PANK3: variants seen among roughly 807,000 people sequenced by gnomAD.
The protein encoded by PANK3 is hPanK3.
A neutral mutation model predicts 39.4 loss-of-function variants in PANK3; 20 were observed. The ratio of observed to expected loss-of-function variants is 0.51; its 90% CI spans 0.36 to 0.74. The LOEUF (loss-of-function observed/expected upper bound fraction) is 0.74. Among genes scored for constraint, PANK3 ranks in the 30% least tolerant of loss-of-function variants. PANK3 has a pLI of 0.00. For synonymous variants in PANK3, 140 were observed against 157.3 expected (o/e 0.89, Z 0.82); for missense variants, 265 against 437.0 (o/e 0.61, Z 3.51).
intron 3 of PANK3, 124 bp from the exon 4 acceptor site, chr5:168,564,189 G>A: frequency 1.2e-6 from 1 of 807,870 alleles, no homozygotes; most frequent in Non-Finnish European, 1.8e-6. Flanking sequence ...CTAATGCTGA[G>A]TGCTGAAATA....
In PANK3 at chr5:168,569,014, AAAAAAAAAAAAAAAAAAT is replaced by A. The variant is rs767690199; in HGVS notation, c.29-34_29-17del. 60 of 328,264 alleles carry A rather than the reference AAAAAAAAAAAAAAAAAAT, an allele frequency of 1.8e-4. 2 individuals are homozygous for A. The East Asian group carries it at 7.9e-3, about 43-fold the overall frequency. The allele number at this position is 328,264 out of a possible 1,614,324, so 20.3% of individuals were successfully genotyped here. On this transcript the variant is annotated splice_polypyrimidine_tract_variant and intron_variant, in intron 1 of 6. Coordinates refer to ENST00000239231, the MANE Select transcript of PANK3 (RefSeq NM_024594.4). ...CATGGGAAAGCTATGGGAGGAAAAAAAAAAAAAAAAAAAAAAATATATATATATATATATATCCATTTT... is the reference window on the plus strand; with the variant it reads ...CATGGGAAAGCTATGGGAGGAAAAAAATATATATATATATATATCCATTTT...
intron 2 of PANK3, among the ~76,000 whole-genome samples, chr5:168,567,776 T>C (rs1396934720): frequency 1.3e-5 from 2 of 152,256 alleles, no homozygotes; most frequent in East Asian, 3.9e-4. Context: ...CAGGCCACTA[T>C]GCTGAGCTAA....
chr5:168,571,433 G>A (rs1402918314), intron 1 of PANK3, among the ~76,000 whole-genome samples: 2 of 152,146 alleles, frequency 1.3e-5, no homozygotes, highest in Non-Finnish European at 2.9e-5. Context: ...AGGAGGCAAA[G>A]CAATTACAAA....
At chr5:168,573,594 A>G (rs1299811387) in intron 1 of PANK3, among the ~76,000 whole-genome samples, 1 of 151,806 alleles carries the variant, frequency 6.6e-6, no homozygotes, top group Non-Finnish European at 1.5e-5. Context: ...ATATGTATAC[A>G]TGTGCCATCC....
intron 1 of PANK3, among the ~76,000 whole-genome samples, chr5:168,576,769 C>G (rs1304110164): frequency 7.8e-6 from 1 of 128,026 alleles, no homozygotes; most frequent in African/African-American, 3.2e-5. Flanking sequence ...ACTATGTGAT[C>G]AATAAATGTT....
rs542943076 is a variant in PANK3 at position 168,561,166 on chromosome 5, T to A, written c.936+227A>T. Among the ~76,000 whole-genome samples the A allele has an allele frequency of 1.7e-4, 26 of 152,266 alleles. No homozygotes were observed. In the South Asian group the frequency reaches 5.4e-3, roughly 32 times the overall value. ...TAGGTTGTGTTTTTCTGAAAAAAAA[T>A]TCTGAATAAATTTCTCCTATTTCAA... On this transcript the variant is annotated intron_variant, in intron 5 of 6. Transcript: ENST00000239231.
rs145162200 is a variant in PANK3, at chr5:168,558,228, C to T, written c.1063-607G>A. On this transcript the variant is annotated intron_variant, in intron 6 of 6. Transcript: ENST00000239231. ...TGGCTGGAGTGCAGTGGCGCCATCT[C>T]GACTCACTGCAGGCTCCGCCCCCTG... Among the ~76,000 whole-genome samples the T allele has an allele frequency of 1.0e-4, 15 of 149,630 alleles. 1 individual carries two copies. In the South Asian group the frequency reaches 3.0e-3, roughly 30 times the overall value.
At position 168,550,882 on chromosome 5, in the gene PANK3, C is replaced by A. The variant is rs1336217417; in HGVS notation, c.*6689G>T. On this transcript the variant is annotated 3_prime_UTR_variant, in exon 7 of 7. Transcript: ENST00000239231. ...TCAAAGAGGCAAGACCAGTGACCAA[C>A]ACTACTTCTAATACAATACCAAATA... 3.3e-5 allele frequency: 5 copies of A among 152,162 alleles called. No individual in the cohort carries two copies. Among genetic ancestry groups the A allele is most frequent in the Admixed American group, 6.5e-5 (1 of 15,278 alleles). 9.4% of individuals were successfully genotyped at this position (152,162 alleles called of 1,614,324 possible).
intron 1 of PANK3, among the ~76,000 whole-genome samples, chr5:168,571,642 A>C (rs534544236): frequency 6.6e-6 from 1 of 152,330 alleles, no homozygotes; most frequent in African/African-American, 2.4e-5. Context: ...TTATTTCTAA[A>C]ATTCTACTTT....
In PANK3 at chr5:168,565,868, A is replaced by AT. The variant is rs1554125712; in HGVS notation, c.635+144_635+145insA. On this transcript the variant is annotated intron_variant, in intron 3 of 6. Transcript: ENST00000239231. ...CACCCTCTTTCACTTAAAAAAAAAA[A>AT]ATATATATATATATATATTTTTTTT... The AT allele has an allele frequency of 7.4e-3, 973 of 131,844 alleles. 12 individuals are homozygous for AT. The highest frequency in any genetic ancestry group is 0.011 in the African/African-American group (312 of 28,144). 8.2% of individuals were successfully genotyped at this position (131,844 alleles called of 1,614,324 possible).
At chr5:168,562,051 C>T (rs959411764) in intron 4 of PANK3, among the ~76,000 whole-genome samples, 6 of 152,176 alleles carry the variant, frequency 3.9e-5, no homozygotes, top group South Asian at 4.1e-4. Flanking sequence ...TTTAATTGTA[C>T]ATTTCATTTA....
intron 3 of PANK3, 46 bp downstream of exon 3, chr5:168,565,967 G>A: frequency 2.6e-6 from 4 of 1,563,328 alleles, no homozygotes; most frequent in Non-Finnish European, 3.5e-6. Flanking sequence ...TAACTTCTGT[G>A]TATAAAACAA....
At position 168,553,265 on chromosome 5, in the gene PANK3, C is replaced by T; in HGVS notation, c.*4306G>A. The T allele has an allele frequency of 1.9e-6, 1 of 525,056 alleles. No individual in the cohort carries two copies. Among genetic ancestry groups the T allele is most frequent in the South Asian group, 1.4e-5 (1 of 69,224 alleles). The allele number at this position is 525,056 out of a possible 1,614,324, so 32.5% of individuals were successfully genotyped here. A position where few individuals can be genotyped will look rare whatever the true frequency, so the allele number is the denominator to read the frequency against. On this transcript the variant is annotated 3_prime_UTR_variant, in exon 7 of 7. Transcript: ENST00000239231. ...AGCTGGTTGAGAGCACTAAAGGTACCCCAAAGGGGAGTAGGCGAGATCTCT... is the reference window on the plus strand; with the variant it reads ...AGCTGGTTGAGAGCACTAAAGGTACTCCAAAGGGGAGTAGGCGAGATCTCT...
chr5:168,559,430 G>A (rs535934748), intron 5 of PANK3, among the ~76,000 whole-genome samples: 1 of 152,232 alleles, frequency 6.6e-6, no homozygotes, highest in Non-Finnish European at 1.5e-5. Context: ...TGTGCACAGG[G>A]TTATGGACTG....
At chr5:168,567,528 ACTC>A (rs1561841655) in intron 2 of PANK3, among the ~76,000 whole-genome samples, 1 of 152,036 alleles carries the variant, frequency 6.6e-6, no homozygotes, top group Non-Finnish European at 1.5e-5. Flanking sequence ...AGCTGTTGTT[ACTC>A]CTCTGTGTTC....
At position 168,549,023 on chromosome 5, in the gene PANK3, T is replaced by A. The variant is rs907436204; in HGVS notation, c.*8548A>T. The A allele has an allele frequency of 1.3e-5, 2 of 152,200 alleles. No individual in the cohort carries two copies. The highest frequency in any genetic ancestry group is 1.3e-4 in the Admixed American group (2 of 15,280). 9.4% of individuals were successfully genotyped at this position (152,200 alleles called of 1,614,324 possible). ...CTTAGATTGGGACATAATAACATCT[T>A]CTGAGTACACTTTGGTCAATAACTG... On this transcript the variant is annotated 3_prime_UTR_variant, in exon 7 of 7. Transcript: ENST00000239231.
intron 1 of PANK3, among the ~76,000 whole-genome samples, chr5:168,572,559 A>T (rs1582467858): frequency 8.4e-6 from 1 of 119,666 alleles, no homozygotes; most frequent in South Asian, 2.5e-4. Context: ...AACCTTCTTA[A>T]GGGTGGGGGA....
At chr5:168,576,506 A>G (rs1052169390) in intron 1 of PANK3, among the ~76,000 whole-genome samples, 5 of 152,236 alleles carry the variant, frequency 3.3e-5, no homozygotes, top group Admixed American at 2.0e-4. Context: ...GAATTAACAC[A>G]TAATTTCAAA....
At chr5:168,576,294 TG>T (rs1270231104) in intron 1 of PANK3, among the ~76,000 whole-genome samples, 1 of 152,234 alleles carries the variant, frequency 6.6e-6, no homozygotes, top group Non-Finnish European at 1.5e-5. Context: ...CCTTACTACT[TG>T]GGTTAATAAA....
Sources: gnomAD v4.1 joint callset for allele counts (sites outside exome capture counted in the v4.1 genomes callset) on GRCh38, gnomAD v4.1.1 for gene constraint, MANE v1.5 for transcripts, NCBI Gene and HGNC (gene_info 2026-07-23, HGNC 2026-07-21) for gene names.